Variants in TMPRSS12 observed in about 807,000 individuals in gnomAD.
TMPRSS12 encodes the protein transmembrane protease serine 12.
In TMPRSS12, 25 loss-of-function variants were observed where a neutral mutation model predicts 26.0. That is an observed-to-expected ratio of 0.96 (90% CI 0.70 to 1.34). The LOEUF is 1.34. Ranked by LOEUF, TMPRSS12 falls within the 40% of genes most tolerant of loss-of-function variation. TMPRSS12 has a pLI of 0.00. For synonymous variants in TMPRSS12, 150 were observed against 161.7 expected, an observed-to-expected ratio of 0.93 and a Z score of 0.55; for missense variants, 441 against 440.1, an observed-to-expected ratio of 1.00 and a Z score of -0.02.
chr12:50,884,342 G>T (rs1028557245), intron 3 of TMPRSS12, among the ~76,000 whole-genome samples: 1 of 152,180 alleles, frequency 6.6e-6, no homozygotes, highest in Non-Finnish European at 1.5e-5. Context: ...CACAGATGAT[G>T]TAACTAAAAT....
chr12:50,843,234 T>C (rs1280777362), intron 1 of TMPRSS12, 83 bp downstream of exon 1: 2 of 1,405,432 alleles, frequency 1.4e-6, no homozygotes, highest in Non-Finnish European at 9.3e-7. Flanking sequence ...GGTTTCTCCT[T>C]TTCTGTTGTC....
At chr12:50,873,427 C>G (rs1169480962) in intron 3 of TMPRSS12, among the ~76,000 whole-genome samples, 1 of 152,056 alleles carries the variant, frequency 6.6e-6, no homozygotes, top group Non-Finnish European at 1.5e-5. Context: ...AATTGTGTAT[C>G]CAGCAAAACT....
At chr12:50,873,949 CATT>C (rs1384599114) in intron 3 of TMPRSS12, among the ~76,000 whole-genome samples, 1 of 152,080 alleles carries the variant, frequency 6.6e-6, no homozygotes, top group Non-Finnish European at 1.5e-5. Context: ...TACTGATTAA[CATT>C]ATATTTGTTA....
intron 3 of TMPRSS12, among the ~76,000 whole-genome samples, chr12:50,873,084 G>A (rs540650510): frequency 2.8e-4 from 43 of 151,788 alleles, no homozygotes; most frequent in African/African-American, 8.2e-4. Context: ...AAGTAACTCA[G>A]GAATGGAAAA....
chr12:50,873,906 A>G (rs1938090041), intron 3 of TMPRSS12, among the ~76,000 whole-genome samples: 1 of 152,218 alleles, frequency 6.6e-6, no homozygotes, highest in Non-Finnish European at 1.5e-5. Flanking sequence ...AACTGGTTTC[A>G]GGTCCCTGTA....
intron 4 of TMPRSS12, 76 bp from the exon 5 acceptor site, chr12:50,887,186 A>C: frequency 1.4e-6 from 2 of 1,395,672 alleles, no homozygotes; most frequent in Non-Finnish European, 1.9e-6. Flanking sequence ...GTTTGATGTA[A>C]ATAATTTATT....
At chr12:50,885,453 C>A in intron 4 of TMPRSS12, 65 bp downstream of exon 4, 1 of 1,573,314 alleles carries the variant, frequency 6.4e-7, no homozygotes, top group Non-Finnish European at 8.7e-7. Flanking sequence ...TCAAACAAGG[C>A]CTTTGATAAC....
intron 3 of TMPRSS12, among the ~76,000 whole-genome samples, chr12:50,872,819 ATATATGTACATATATATGACGTC>A (rs1565935995): frequency 4.6e-5 from 4 of 87,070 alleles, no homozygotes; most frequent in Non-Finnish European, 1.1e-4. Flanking sequence ...TATATGACGT[ATATATGTACATATATATGACGTC>A]TATATATGTA....
intron 3 of TMPRSS12, among the ~76,000 whole-genome samples, chr12:50,871,419 T>C (rs947195674): frequency 2.2e-4 from 33 of 152,194 alleles, no homozygotes; most frequent in Non-Finnish European, 3.8e-4. Context: ...ACTGGATTCT[T>C]GTCGCTCACT....
At chr12:50,873,965 C>T (rs571830365) in intron 3 of TMPRSS12, among the ~76,000 whole-genome samples, 41 of 152,036 alleles carry the variant, frequency 2.7e-4, no homozygotes, top group Non-Finnish European at 5.6e-4. Context: ...ATTTGTTACA[C>T]ATAAATGGTC....
intron 3 of TMPRSS12, among the ~76,000 whole-genome samples, chr12:50,866,358 G>A (rs1937990846): frequency 6.6e-6 from 1 of 152,096 alleles, no homozygotes; most frequent in Non-Finnish European, 1.5e-5. Context: ...GTGATTGCCA[G>A]CTTTTCCCCA....
chr12:50,872,466 T>C (rs1938054080), intron 3 of TMPRSS12, among the ~76,000 whole-genome samples: 1 of 135,538 alleles, frequency 7.4e-6, no homozygotes, highest in Non-Finnish European at 1.5e-5. Context: ...TGAGCCGAGA[T>C]TGCGCCACTG....
chr12:50,854,666 A>G (rs774822314), intron 2 of TMPRSS12, among the ~76,000 whole-genome samples: 78 of 152,214 alleles, frequency 5.1e-4, no homozygotes, highest in Non-Finnish European at 4.7e-4. Context: ...CTATACACCA[A>G]TGAAGTCTAA....
At chr12:50,885,444 C>A in intron 4 of TMPRSS12, 56 bp downstream of exon 4, 1 of 1,596,398 alleles carries the variant, frequency 6.3e-7, no homozygotes, top group Non-Finnish European at 8.6e-7. Flanking sequence ...GGGAACTTGT[C>A]AAACAAGGCC....
At chr12:50,846,840 A>G (rs1008392982) in intron 2 of TMPRSS12, among the ~76,000 whole-genome samples, 2 of 151,970 alleles carry the variant, frequency 1.3e-5, no homozygotes, top group Admixed American at 1.3e-4. Flanking sequence ...TTGGCCTCCC[A>G]AAGTGGTAAC....
chr12:50,856,553 T>C lies in TMPRSS12; in HGVS notation c.384-2232T>C, dbSNP rs1002687099. On this transcript the variant is annotated intron_variant, in intron 2 of 4. Coordinates refer to ENST00000398458, the MANE Select transcript of TMPRSS12 (RefSeq NM_182559.3). Reference sequence around the variant, plus strand: ...TGAGTAAAACCACTATAAACATTTGTGTGAATCTAGGTTTTCATTTCACTT... The same window carrying C: ...TGAGTAAAACCACTATAAACATTTGCGTGAATCTAGGTTTTCATTTCACTT... Among the ~76,000 whole-genome samples, 8 of 152,196 alleles carry C rather than the reference T, an allele frequency of 5.3e-5. No individual in the cohort carries two copies. The East Asian group carries it at 1.5e-3, about 29-fold the overall frequency.
chr12:50,880,966 CTTTTTTTTTTTTTTTTTTTT>C (rs869152225), intron 3 of TMPRSS12, among the ~76,000 whole-genome samples: 11 of 61,786 alleles, frequency 1.8e-4, no homozygotes, highest in Admixed American at 5.3e-4. Flanking sequence ...TCAGTAATTT[CTTTTTTTTTTTTTTTTTTTT>C]TTTTTTTTTT....
intron 3 of TMPRSS12, among the ~76,000 whole-genome samples, chr12:50,863,535 A>G (rs1565933541): frequency 2.0e-5 from 3 of 152,246 alleles, no homozygotes; most frequent in Non-Finnish European, 4.4e-5. Flanking sequence ...ATGTCCTTCA[A>G]TAGGAGAATG....
At chr12:50,843,305 A>C (rs1271265453) in intron 1 of TMPRSS12, among the ~76,000 whole-genome samples, 154 bp downstream of exon 1, 1 of 152,224 alleles carries the variant, frequency 6.6e-6, no homozygotes. Context: ...CTGTAATAAC[A>C]GTAGTTGTAA....
Sources: gnomAD v4.1 joint callset for allele counts (sites outside exome capture counted in the v4.1 genomes callset) on GRCh38, gnomAD v4.1.1 for gene constraint, MANE v1.5 for transcripts, NCBI Gene and HGNC (gene_info 2026-07-23, HGNC 2026-07-21) for gene names.